PTPRD: variants seen among roughly 807,000 people sequenced by gnomAD.
The protein encoded by PTPRD is receptor-type tyrosine-protein phosphatase delta.
A neutral mutation model predicts 214.5 loss-of-function variants in PTPRD; 34 were observed. That is an observed-to-expected ratio of 0.16 (90% CI 0.12 to 0.21). The LOEUF is 0.21. Ranked by LOEUF, PTPRD falls within the 10% of genes least tolerant of loss-of-function variation. The probability of loss-of-function intolerance (pLI) is 1.00; values close to 1 mark genes in which losing one functional copy is unlikely to be tolerated. For synonymous variants in PTPRD, 1,128 were observed against 845.7 expected, an observed-to-expected ratio of 1.33 and a Z score of -5.79; for missense variants, 2,545 against 2,398.7, an observed-to-expected ratio of 1.06 and a Z score of -1.27.
intron 14 of PTPRD, among the ~76,000 whole-genome samples, chr9:8,573,181 T>C (rs917845274): frequency 2.0e-5 from 3 of 151,984 alleles, no homozygotes; most frequent in Admixed American, 6.6e-5. Flanking sequence ...GCATGACAAC[T>C]CAGTGCTGCC....
At position 9,340,197 on chromosome 9, in the gene PTPRD, C is replaced by G. The variant is rs546700092; in HGVS notation, c.-203+57252G>C. 1.4e-4 allele frequency among the ~76,000 whole-genome samples: 21 copies of G among 152,256 alleles called. No individual in the cohort carries two copies. The South Asian group carries it at 4.4e-3, about 32-fold the overall frequency. ...ACTGGCTGAAATGGAGGAAAATTAA[C>G]AGCCCATAATCAATATGTGGATAAA... On this transcript the variant is annotated intron_variant, in intron 9 of 45. Coordinates refer to ENST00000381196, the MANE Select transcript of PTPRD (RefSeq NM_002839.4).
intron 8 of PTPRD, among the ~76,000 whole-genome samples, chr9:9,496,021 A>G (rs1299532028): frequency 1.3e-5 from 2 of 152,098 alleles, no homozygotes; most frequent in East Asian, 1.9e-4. Flanking sequence ...TGGATCCTAC[A>G]CTTGCTCACT....
rs139749107 is a variant in PTPRD, at chr9:10,012,158, G to A, written c.-472+21560C>T. ...TGAAAGTTGTTTAACATTGTAAGAC[G>A]TATACAAATGGAACTTTGCAAGAAT... On this transcript the variant is annotated intron_variant, in intron 4 of 45. Coordinates refer to ENST00000381196, the MANE Select transcript of PTPRD (RefSeq NM_002839.4). 9.8e-3 allele frequency among the ~76,000 whole-genome samples: 1,493 copies of A among 151,812 alleles called. 18 individuals are homozygous for A. Among genetic ancestry groups the A allele is most frequent in the African/African-American group, 0.034 (1,397 of 41,436 alleles).
intron 3 of PTPRD, among the ~76,000 whole-genome samples, chr9:10,217,709 T>C (rs2099547832): frequency 6.6e-6 from 1 of 151,994 alleles, no homozygotes; most frequent in African/African-American, 2.4e-5. Flanking sequence ...GTAGTCATGA[T>C]GTAAGAAATT....
At chr9:8,701,170 A>G (rs1565391350) in intron 12 of PTPRD, among the ~76,000 whole-genome samples, 2 of 152,092 alleles carry the variant, frequency 1.3e-5, no homozygotes, top group African/African-American at 2.4e-5. Flanking sequence ...CAAAAAAAAG[A>G]AAGTTAAATT....
chr9:10,126,089 C>T (rs1173445638), intron 3 of PTPRD, among the ~76,000 whole-genome samples: 1 of 152,046 alleles, frequency 6.6e-6, no homozygotes, highest in Non-Finnish European at 1.5e-5. Context: ...TTTTCTTTAG[C>T]ATTTGGCATG....
intron 11 of PTPRD, among the ~76,000 whole-genome samples, chr9:8,884,462 G>C (rs994897046): frequency 5.9e-5 from 9 of 152,190 alleles, no homozygotes; most frequent in Non-Finnish European, 4.4e-5. Flanking sequence ...AATAATTCAA[G>C]AGAATGTTCT....
At chr9:9,437,355 T>A (rs2085685321) in intron 8 of PTPRD, among the ~76,000 whole-genome samples, 1 of 152,190 alleles carries the variant, frequency 6.6e-6, no homozygotes, top group African/African-American at 2.4e-5. Context: ...TGAATATAAC[T>A]TATAATTTTT....
intron 8 of PTPRD, among the ~76,000 whole-genome samples, chr9:9,415,022 G>A (rs113842033): frequency 6.6e-6 from 1 of 152,148 alleles, no homozygotes; most frequent in Admixed American, 6.5e-5. Context: ...TTAACGAGAG[G>A]ACTGCATTTT....
Position 10,248,470 on chromosome 9 carries a change from G to T in PTPRD, c.-545+92493C>A, listed in dbSNP as rs367847884. Among the ~76,000 whole-genome samples, 26 of 130,726 alleles carry T rather than the reference G, an allele frequency of 2.0e-4. No homozygotes were observed. The East Asian group carries it at 3.3e-3, about 17-fold the overall frequency. The allele number at this position is 130,726 out of a possible 152,430, so 85.8% of individuals were successfully genotyped here. A position where few individuals can be genotyped will look rare whatever the true frequency, so the allele number is the denominator to read the frequency against. ...ATGTTACTTTTCCAACATGGATCGT[G>T]TTAAACATTAGTTCTACAGAATGTC... On this transcript the variant is annotated intron_variant, in intron 3 of 45. Transcript: ENST00000381196.
At chr9:9,812,711 A>G (rs1036143520) in intron 5 of PTPRD, among the ~76,000 whole-genome samples, 2 of 152,192 alleles carry the variant, frequency 1.3e-5, no homozygotes, top group Admixed American at 1.3e-4. Context: ...AGGGATTTCA[A>G]TAATGGATAT....
At chr9:9,715,545 G>A (rs1429920379) in intron 7 of PTPRD, among the ~76,000 whole-genome samples, 2 of 152,096 alleles carry the variant, frequency 1.3e-5, no homozygotes, top group African/African-American at 2.4e-5. Context: ...TCTGAAATCA[G>A]AGAACAAACA....
chr9:9,176,276 G>A (rs969816190), intron 10 of PTPRD, among the ~76,000 whole-genome samples: 1 of 152,092 alleles, frequency 6.6e-6, no homozygotes, highest in Non-Finnish European at 1.5e-5. Context: ...TTTATTTCTA[G>A]AAAGAGGTAT....
chr9:8,744,188 A>G (rs193112776), intron 11 of PTPRD, among the ~76,000 whole-genome samples: 2 of 152,098 alleles, frequency 1.3e-5, no homozygotes, highest in African/African-American at 4.8e-5. Flanking sequence ...GAACACTTCT[A>G]CACTGTTGAC....
At position 10,410,230 on chromosome 9, in the gene PTPRD, G is replaced by A. The variant is rs80269882; in HGVS notation, c.-599-69213C>T. On this transcript the variant is annotated intron_variant, in intron 2 of 45. Coordinates refer to ENST00000381196, the MANE Select transcript of PTPRD (RefSeq NM_002839.4). ...ATTAAACAAATGTGCTAATAACCAGGTAATTAACTGGACATATTTTGTGTA... is the reference window on the plus strand; with the variant it reads ...ATTAAACAAATGTGCTAATAACCAGATAATTAACTGGACATATTTTGTGTA... Among the ~76,000 whole-genome samples the A allele has an allele frequency of 4.2e-4, 51 of 121,166 alleles. 2 individuals carry two copies. In the East Asian group the frequency reaches 0.013, roughly 32 times the overall value. The allele number at this position is 121,166 out of a possible 152,430, so 79.5% of individuals were successfully genotyped here.
intron 4 of PTPRD, among the ~76,000 whole-genome samples, chr9:9,992,209 T>C (rs552396513): frequency 2.2e-4 from 33 of 152,160 alleles, no homozygotes; most frequent in Non-Finnish European, 4.0e-4. Flanking sequence ...AACCACTGAA[T>C]TGTGTGTTTT....
intron 9 of PTPRD, among the ~76,000 whole-genome samples, chr9:9,211,755 C>T (rs143270052): frequency 0.011 from 1,672 of 151,726 alleles, 17 homozygotes; most frequent in Middle Eastern, 0.021. Flanking sequence ...TTGTGCTTTG[C>T]ACATATTATG....
At chr9:10,202,375 T>A (rs1234010182) in intron 3 of PTPRD, among the ~76,000 whole-genome samples, 1 of 151,942 alleles carries the variant, frequency 6.6e-6, no homozygotes, top group African/African-American at 2.4e-5. Flanking sequence ...AGATTCCAGC[T>A]TTTGGTGGGA....
intron 9 of PTPRD, among the ~76,000 whole-genome samples, chr9:9,260,306 T>C (rs532036844): frequency 6.6e-6 from 1 of 151,846 alleles, no homozygotes; most frequent in Non-Finnish European, 1.5e-5. Flanking sequence ...CACATGATCT[T>C]GACTCCAAAG....
Sources: gnomAD v4.1 joint callset for allele counts (sites outside exome capture counted in the v4.1 genomes callset) on GRCh38, gnomAD v4.1.1 for gene constraint, MANE v1.5 for transcripts, NCBI Gene and HGNC (gene_info 2026-07-23, HGNC 2026-07-21) for gene names.